Variants in SHLD1 observed in about 807,000 individuals in gnomAD.
SHLD1 encodes shieldin complex subunit 1, also known as RINN1-REV7-interacting novel NHEJ regulator 3.
Under a neutral mutation model 5.5 loss-of-function variants are expected in SHLD1, and 3 were observed. The observed-to-expected ratio is 0.54, with a 90% CI of 0.25 to 1.40. The LOEUF is 1.40. SHLD1 is among the 40% of genes most tolerant of loss of function. The pLI is 0.15. For missense variants in SHLD1, 210 were observed against 244.4 expected (o/e 0.86, Z 0.94); for synonymous variants, 92 against 94.3 (o/e 0.98, Z 0.14).
Position 5,772,860 on chromosome 20 carries a change from A to C in SHLD1, c.-4-2A>C. ...TGAATTGTTTTCTTTTTTCCATGGC[A>C]GGACTATGGCAGCCAGGGACGCCAC... On this transcript the variant is annotated splice_acceptor_variant, in intron 1 of 2. Coordinates refer to ENST00000303142, the MANE Select transcript of SHLD1 (RefSeq NM_152504.4). LOFTEE classifies it low-confidence loss of function (5UTR_SPLICE). 6.2e-7 allele frequency: 1 copy of C among 1,606,594 alleles called. No homozygotes were observed. The highest frequency in any genetic ancestry group is 2.2e-5 in the East Asian group (1 of 44,758).
chr20:5,802,103 G>C (rs1250392715), intron 2 of SHLD1, among the ~76,000 whole-genome samples: 1 of 152,174 alleles, frequency 6.6e-6, no homozygotes, highest in Non-Finnish European at 1.5e-5. Flanking sequence ...ACAAGTTAGA[G>C]TCCTGTGAGG....
chr20:5,863,460 G>A lies in SHLD1; in HGVS notation c.615G>A (p.Leu205=). The part of the protein sequence containing the change: ...FLLQQNVMKD[L] Reference sequence around the variant, plus strand: ...TGCAGCAGAATGTAATGAAAGACCTGTAACTGGTGCCGGGCAGTGTGCAGG... The same window carrying A: ...TGCAGCAGAATGTAATGAAAGACCTATAACTGGTGCCGGGCAGTGTGCAGG... Residue 205 remains leucine (L), a synonymous_variant, in exon 3 of 3, where the codon CTG becomes CTA. Coordinates refer to ENST00000303142, the MANE Select transcript of SHLD1 (RefSeq NM_152504.4). 6.3e-7 allele frequency: 1 copy of A among 1,594,728 alleles called. No individual in the cohort carries two copies. Among genetic ancestry groups the A allele is most frequent in the Non-Finnish European group, 8.5e-7 (1 of 1,170,962 alleles).
At position 5,770,025 on chromosome 20, in the gene SHLD1, A is replaced by T. The variant is rs970775556; in HGVS notation, c.-4-2837A>T. The stretch of plus-strand genomic sequence containing the variant: ...TTCTCAAAAAAAAAAAAAAAAAAAA[A>T]AGGAATTACCTATGTGATGAGATGA... On this transcript the variant is annotated intron_variant, in intron 1 of 2. Coordinates refer to ENST00000303142, the MANE Select transcript of SHLD1 (RefSeq NM_152504.4). Among the ~76,000 whole-genome samples, 70 of 151,684 alleles carry T rather than the reference A, an allele frequency of 4.6e-4. No individual in the cohort carries two copies. In the East Asian group the frequency reaches 0.011, roughly 24 times the overall value.
At chr20:5,802,634 CCTTT>C (rs899170856) in intron 2 of SHLD1, among the ~76,000 whole-genome samples, 10 of 151,976 alleles carry the variant, frequency 6.6e-5, no homozygotes, top group Admixed American at 3.3e-4. Context: ...TTCCTTTCTT[CCTTT>C]CTATTTTTCT....
At chr20:5,779,315 C>T (rs1009666996) in intron 2 of SHLD1, among the ~76,000 whole-genome samples, 2 of 152,140 alleles carry the variant, frequency 1.3e-5, no homozygotes, top group Non-Finnish European at 2.9e-5. Context: ...GCCCTAACAG[C>T]CCAACCTGGT....
intron 2 of SHLD1, among the ~76,000 whole-genome samples, chr20:5,791,238 AGAAAATCT>A (rs2087134414): frequency 8.4e-6 from 1 of 118,904 alleles, no homozygotes; most frequent in Non-Finnish European, 1.9e-5. Flanking sequence ...ATGAAAAAAC[AGAAAATCT>A]TAGCAAATAA....
intron 2 of SHLD1, among the ~76,000 whole-genome samples, chr20:5,842,923 A>G (rs2087883228): frequency 6.6e-6 from 1 of 151,806 alleles, no homozygotes; most frequent in South Asian, 2.1e-4. Context: ...TCAACTTCCC[A>G]TTTTATTTCT....
At chr20:5,822,319 C>T (rs1397412761) in intron 2 of SHLD1, among the ~76,000 whole-genome samples, 4 of 151,950 alleles carry the variant, frequency 2.6e-5, no homozygotes, top group South Asian at 2.1e-4. Context: ...ATTAGCCGGG[C>T]GTGGTGACGG....
intron 2 of SHLD1, among the ~76,000 whole-genome samples, chr20:5,787,417 T>TG (rs2087074927): frequency 2.0e-5 from 3 of 152,250 alleles, no homozygotes; most frequent in Non-Finnish European, 4.4e-5. Context: ...TGGCTGCCCT[T>TG]GGCCAACCTT....
At chr20:5,851,532 G>GTCCA (rs1568531658) in intron 2 of SHLD1, among the ~76,000 whole-genome samples, 97 of 149,894 alleles carry the variant, frequency 6.5e-4, no homozygotes, top group African/African-American at 2.3e-3. Context: ...TACACCAGCC[G>GTCCA]TTGTCCAATA....
chr20:5,844,789 A>AT (rs1568528971), intron 2 of SHLD1, among the ~76,000 whole-genome samples: 1 of 100,238 alleles, frequency 1.0e-5, no homozygotes, highest in East Asian at 3.5e-4. Context: ...ATATATATAT[A>AT]TATATATATA....
At chr20:5,860,473 C>A (rs1033526790) in intron 2 of SHLD1, among the ~76,000 whole-genome samples, 1 of 152,136 alleles carries the variant, frequency 6.6e-6, no homozygotes, top group Non-Finnish European at 1.5e-5. Context: ...ACAATAAAAT[C>A]ATCAAAATCA....
intron 2 of SHLD1, among the ~76,000 whole-genome samples, chr20:5,853,454 A>G (rs1296275802): frequency 6.6e-6 from 1 of 152,202 alleles, no homozygotes; most frequent in Non-Finnish European, 1.5e-5. Context: ...TCAAAAATAA[A>G]TAAATAAATA....
chr20:5,801,791 G>GC (rs1568509643), intron 2 of SHLD1, among the ~76,000 whole-genome samples: 1 of 151,924 alleles, frequency 6.6e-6, no homozygotes, highest in East Asian at 1.9e-4. Flanking sequence ...TGATTCCCCC[G>GC]CCCCCCGTAT....
intron 1 of SHLD1, among the ~76,000 whole-genome samples, chr20:5,770,807 A>T (rs1409415156): frequency 6.6e-6 from 1 of 152,220 alleles, no homozygotes; most frequent in Non-Finnish European, 1.5e-5. Context: ...ATGATGTCCT[A>T]GTCAAGCGGC....
At chr20:5,829,870 CTCT>C (rs2087707634) in intron 2 of SHLD1, among the ~76,000 whole-genome samples, 1 of 115,270 alleles carries the variant, frequency 8.7e-6, no homozygotes, top group African/African-American at 3.1e-5. Context: ...GGTTAACAGC[CTCT>C]TCTTTAGGAA....
chr20:5,757,394 T>C (rs1024688830), intron 1 of SHLD1, among the ~76,000 whole-genome samples: 2 of 152,046 alleles, frequency 1.3e-5, no homozygotes, highest in Non-Finnish European at 2.9e-5. Context: ...TTTTTATTTT[T>C]TTACTTAGCA....
At chr20:5,841,170 AGT>A (rs11469039) in intron 2 of SHLD1, among the ~76,000 whole-genome samples, 39,686 of 145,844 alleles carry the variant, frequency 0.27, 5,616 homozygotes, top group African/African-American at 0.39. Context: ...GAAAATAGCG[AGT>A]GTGTGTGTGT....
intron 1 of SHLD1, among the ~76,000 whole-genome samples, chr20:5,755,436 A>G (rs570639728): frequency 6.6e-6 from 1 of 152,344 alleles, no homozygotes; most frequent in East Asian, 1.9e-4. Flanking sequence ...CGGAAGTAGA[A>G]CAGTTTCATC....
Sources: allele counts gnomAD v4.1 joint callset (sites outside exome capture counted in the v4.1 genomes callset), GRCh38; gene constraint gnomAD v4.1.1; transcripts MANE v1.5; gene names NCBI Gene and HGNC (gene_info 2026-07-23, HGNC 2026-07-21).